HLCS: variants seen among roughly 807,000 people sequenced by gnomAD.
HLCS encodes the protein biotin--protein ligase.
Under a neutral mutation model 75.0 loss-of-function variants are expected in HLCS, and 53 were observed. The observed-to-expected ratio is 0.71, with a 90% confidence interval of 0.57 to 0.89. The LOEUF is 0.89. HLCS is among the 40% of genes least tolerant of loss of function. The pLI, the probability that HLCS is intolerant of heterozygous loss-of-function variation, is 0.00. For synonymous variants in HLCS, 431 were observed against 428.6 expected (o/e 1.01, Z -0.07); for missense variants, 966 against 1,074.0 (o/e 0.90, Z 1.41).
rs2845804 is a variant in HLCS at position 36,756,821 on chromosome 21, A to C, written c.2237-66T>G. The C allele has an allele frequency of 0.5, 800,515 of 1,609,854 alleles. 202,765 individuals are homozygous for C. The highest frequency in any genetic ancestry group is 0.68 in the East Asian group (30,594 of 44,800). ...GGCATCACACATTCCTCTCTGCCAC[A>C]TGGAAAAAGTTACAGTCTTGACTGT... is the stretch of plus-strand genomic sequence containing the variant. On this transcript the variant is annotated intron_variant, in intron 9 of 10. Transcript: ENST00000674895.
intron 6 of HLCS, among the ~76,000 whole-genome samples, chr21:36,874,006 T>G (rs948310227): frequency 6.6e-6 from 1 of 152,244 alleles, no homozygotes; most frequent in African/African-American, 2.4e-5. Context: ...GATATTGTTT[T>G]CCTTTAAAAC....
chr21:36,920,678 A>T (rs2409865), intron 5 of HLCS, among the ~76,000 whole-genome samples: 56,835 of 151,792 alleles, frequency 0.37, 11,197 homozygotes, highest in Middle Eastern at 0.47. Flanking sequence ...ATTAAAAAAA[A>T]TTTTTAAAGC....
intron 1 of HLCS, among the ~76,000 whole-genome samples, chr21:36,989,993 C>G (rs1042510980): frequency 1.3e-5 from 2 of 152,126 alleles, no homozygotes; most frequent in African/African-American, 4.8e-5. Flanking sequence ...CTTCTGGCAG[C>G]TGGAGGCGGC....
intron 6 of HLCS, among the ~76,000 whole-genome samples, chr21:36,873,263 G>A (rs1283627974): frequency 5.3e-5 from 8 of 152,080 alleles, no homozygotes; most frequent in African/African-American, 1.4e-4. Context: ...GACTACAGGC[G>A]TGTACCACCA....
rs35188541 is a variant in HLCS, at chr21:36,779,710, CTT to C, written c.1893-12427_1893-12426del. Among the ~76,000 whole-genome samples the C allele has an allele frequency of 9.3e-5, 14 of 150,942 alleles. No individual in the cohort carries two copies. The East Asian group carries it at 9.8e-4, about 11-fold the overall frequency. ...TATTGAACATTTCCTTGGATTTGTT[CTT>C]TTTTTTTTCCCCTTTACTTTAGTGT... On this transcript the variant is annotated intron_variant, in intron 6 of 10. Coordinates refer to ENST00000674895, the MANE Select transcript of HLCS (RefSeq NM_001352514.2).
chr21:36,970,855 G>A (rs530927119), upstream of HLCS, among the ~76,000 whole-genome samples: 7 of 152,154 alleles, frequency 4.6e-5, no homozygotes, highest in African/African-American at 1.4e-4. Context: ...TTAGCCAGGC[G>A]TGGTGGCGGG....
intron 2 of HLCS, among the ~76,000 whole-genome samples, chr21:36,960,127 A>AC (rs1226352304): frequency 0.014 from 100 of 7,142 alleles, no homozygotes; most frequent in East Asian, 0.045. Flanking sequence ...GCATGGAGCC[A>AC]CCCACCCCCC....
chr21:36,830,609 T>C (rs1304983942), intron 6 of HLCS, among the ~76,000 whole-genome samples: 2 of 151,926 alleles, frequency 1.3e-5, no homozygotes, highest in Non-Finnish European at 2.9e-5. Flanking sequence ...TGAGGTGGGC[T>C]GATCGCTTGA....
At chr21:36,757,334 G>A (rs1262082806) in intron 9 of HLCS, among the ~76,000 whole-genome samples, 2 of 152,188 alleles carry the variant, frequency 1.3e-5, no homozygotes, top group African/African-American at 2.4e-5. Flanking sequence ...GCCGACTCAT[G>A]TTCAGTGGCT....
chr21:36,762,346 A>C (rs1483604581), intron 8 of HLCS, among the ~76,000 whole-genome samples: 1 of 152,072 alleles, frequency 6.6e-6, no homozygotes, highest in Non-Finnish European at 1.5e-5. Flanking sequence ...AGCAGAGAAG[A>C]GAGCAGGGGT....
intron 5 of HLCS, among the ~76,000 whole-genome samples, chr21:36,927,260 T>C (rs966519919): frequency 1.3e-5 from 2 of 152,214 alleles, no homozygotes; most frequent in Non-Finnish European, 1.5e-5. Context: ...TCGTGCACAG[T>C]GACACTGATG....
Position 36,905,849 on chromosome 21 carries a change from C to T in HLCS, c.1621-8718G>A, listed in dbSNP as rs377384699. ...GGTGGATCACTTGAGGTCAGGAGTTCAAGACCAGCCTGGCCAACATGGTGA... is the reference window on the plus strand; with the variant it reads ...GGTGGATCACTTGAGGTCAGGAGTTTAAGACCAGCCTGGCCAACATGGTGA... On this transcript the variant is annotated intron_variant, in intron 5 of 10. Transcript: ENST00000674895. 4.9e-4 allele frequency among the ~76,000 whole-genome samples: 74 copies of T among 152,002 alleles called. No homozygotes were observed. In the Middle Eastern group the frequency reaches 0.021, roughly 42 times the overall value.
chr21:36,761,457 CATGGGGGGTGCGCAAT>C (rs1464789489), intron 8 of HLCS, among the ~76,000 whole-genome samples: 1 of 152,036 alleles, frequency 6.6e-6, no homozygotes, highest in Non-Finnish European at 1.5e-5. Context: ...GTAAACCAAG[CATGGGGGGTGCGCAAT>C]GACCCAGAAC....
At chr21:36,756,387 C>T (rs540617151) in intron 10 of HLCS, among the ~76,000 whole-genome samples, 155 bp downstream of exon 10, 2 of 131,960 alleles carry the variant, frequency 1.5e-5, no homozygotes, top group African/African-American at 2.9e-5. Context: ...GGAGGCGGAG[C>T]TTGCAGTGAG....
At chr21:36,873,285 T>G (rs2063837027) in intron 6 of HLCS, among the ~76,000 whole-genome samples, 1 of 152,062 alleles carries the variant, frequency 6.6e-6, no homozygotes, top group African/African-American at 2.4e-5. Context: ...ACCAAGCTAA[T>G]TTTTGTATTT....
chr21:36,964,895 C>T (rs2068486058), intron 1 of HLCS, among the ~76,000 whole-genome samples: 1 of 152,182 alleles, frequency 6.6e-6, no homozygotes, highest in African/African-American at 2.4e-5. Flanking sequence ...AAGCTCACCC[C>T]TCAATTTTTT....
Position 36,949,388 on chromosome 21 carries a change from A to T in HLCS, c.331-10394T>A, listed in dbSNP as rs1281474670. Among the ~76,000 whole-genome samples, 3 of 152,220 alleles carry T rather than the reference A, an allele frequency of 2.0e-5. No homozygotes were observed. The East Asian group carries it at 5.8e-4, about 29-fold the overall frequency. ...GCCAGGGCTGTCCACGAAGAGCCAC[A>T]TGTCCTTCTACTTCATGTGGATCTC... is the stretch of plus-strand genomic sequence containing the variant. On this transcript the variant is annotated intron_variant, in intron 2 of 10. Coordinates refer to ENST00000674895, the MANE Select transcript of HLCS (RefSeq NM_001352514.2).
At chr21:36,914,822 C>G (rs1180308091) in intron 5 of HLCS, among the ~76,000 whole-genome samples, 1 of 152,232 alleles carries the variant, frequency 6.6e-6, no homozygotes, top group African/African-American at 2.4e-5. Context: ...GCGGGACCGA[C>G]ACCCACAGGA....
rs745652723 is a variant in HLCS, at chr21:36,897,083, C to T, written c.1669G>A (p.Glu557Lys). The change falls in exon 6 of 11, where the codon GAG (glutamate) becomes AAG (lysine). Residue 557 changes from glutamate to lysine, a missense_variant. Transcript: ENST00000674895. ...MQWLGKHVDSEGEIKSGQLSL... is the reference protein window; with the variant it reads ...MQWLGKHVDSKGEIKSGQLSL... ...AGCTGGCCGGATTTTATTTCTCCCT[C>T]GGAGTCCACATGTTTCCCAAGCCAC... 5.3e-5 allele frequency: 85 copies of T among 1,613,982 alleles called. No homozygotes were observed. Among genetic ancestry groups the T allele is most frequent in the Non-Finnish European group, 6.2e-5 (73 of 1,180,002 alleles).
Sources: allele counts gnomAD v4.1 joint callset (sites outside exome capture counted in the v4.1 genomes callset), GRCh38; gene constraint gnomAD v4.1.1; transcripts MANE v1.5; gene names NCBI Gene and HGNC (gene_info 2026-07-23, HGNC 2026-07-21).